PCDHGA9: variants seen among roughly 807,000 people sequenced by gnomAD.
PCDHGA9 encodes protocadherin gamma subfamily A, 9, also known as protocadherin gamma-A9.
Under a neutral mutation model 62.5 loss-of-function variants are expected in PCDHGA9, and 37 were observed. The observed-to-expected ratio is 0.59, with a 90% CI of 0.46 to 0.78. The LOEUF (loss-of-function observed/expected upper bound fraction) is 0.78, where lower values mean the gene tolerates loss of function less well. Ranked by LOEUF, PCDHGA9 falls within the 30% of genes least tolerant of loss-of-function variation. The probability of loss-of-function intolerance (pLI) is 0.00; values close to 1 mark genes in which losing one functional copy is unlikely to be tolerated. For synonymous variants in PCDHGA9, 459 were observed against 484.6 expected (o/e 0.95, Z 0.69); for missense variants, 1,138 against 1,166.2 (o/e 0.98, Z 0.35).
Position 141,487,399 on chromosome 5 carries a change from G to A in PCDHGA9, c.2425-7408G>A. 1.2e-6 allele frequency: 2 copies of A among 1,614,140 alleles called. No homozygotes were observed. Among genetic ancestry groups the A allele is most frequent in the South Asian group, 1.1e-5 (1 of 91,088 alleles). On this transcript the variant is annotated intron_variant, in intron 1 of 3. Coordinates refer to ENST00000573521, the MANE Select transcript of PCDHGA9 (RefSeq NM_018921.3). The surrounding 1 kb of genome is among the most constrained non-coding windows in gnomAD (Gnocchi z 5.0). ...TCACCAGATCTCGAAGGAGGGAGGGGCTTCCCCCTTCCAATGGGATCCTCC... is the reference window on the plus strand; with the variant it reads ...TCACCAGATCTCGAAGGAGGGAGGGACTTCCCCCTTCCAATGGGATCCTCC...
chr5:141,473,219 G>A (rs1198994780), intron 1 of PCDHGA9, among the ~76,000 whole-genome samples: 2 of 151,864 alleles, frequency 1.3e-5, no homozygotes, highest in Non-Finnish European at 2.9e-5. Flanking sequence ...TTACTTCCAG[G>A]GAGATTGGAT....
chr5:141,455,593 C>T (rs957677108), intron 1 of PCDHGA9, among the ~76,000 whole-genome samples: 4 of 152,070 alleles, frequency 2.6e-5, no homozygotes, highest in Non-Finnish European at 5.9e-5. Flanking sequence ...AATATGCAAA[C>T]GTAGGGCGCC....
chr5:141,481,868 C>A (rs983373194), intron 1 of PCDHGA9, among the ~76,000 whole-genome samples: 4 of 147,412 alleles, frequency 2.7e-5, no homozygotes, highest in African/African-American at 1.0e-4. Flanking sequence ...GAGCCGAGAT[C>A]GCGCCACTGC....
In PCDHGA9 at chr5:141,512,088, A is replaced by G. The variant is rs192947391; in HGVS notation, c.*915A>G. 2.6e-5 allele frequency: 4 copies of G among 152,772 alleles called. No individual in the cohort carries two copies. Among genetic ancestry groups the G allele is most frequent in the Admixed American group, 6.5e-5 (1 of 15,306 alleles). 9.5% of individuals were successfully genotyped at this position (152,772 alleles called of 1,614,324 possible). On this transcript the variant is annotated 3_prime_UTR_variant, in exon 4 of 4. Transcript: ENST00000573521. ...TCCTCCAGATTCCAGCCATAAACCAATAACTAGGCTGGACCCTTCCCACTA... is the reference window on the plus strand; with the variant it reads ...TCCTCCAGATTCCAGCCATAAACCAGTAACTAGGCTGGACCCTTCCCACTA...
At chr5:141,410,340 T>C (rs1408707323) in intron 1 of PCDHGA9, 5 of 1,614,068 alleles carry the variant, frequency 3.1e-6, no homozygotes, top group Non-Finnish European at 2.5e-6. Context: ...GCCATTGCCT[T>C]GCGCCTGCGA....
In PCDHGA9 at chr5:141,486,581, C is replaced by T; in HGVS notation, c.2425-8226C>T. 1 of 1,613,764 alleles carries T rather than the reference C, an allele frequency of 6.2e-7. No individual in the cohort carries two copies. The highest frequency in any genetic ancestry group is 1.1e-5 in the South Asian group (1 of 91,082). On this transcript the variant is annotated intron_variant, in intron 1 of 3. Coordinates refer to ENST00000573521, the MANE Select transcript of PCDHGA9 (RefSeq NM_018921.3). This position sits in a 1 kb window ranked among gnomAD's most constrained non-coding sequence, Gnocchi z 5.0. ...GGTGTTTGTTCCTGAGAACAATCGC[C>T]CAGGGGACCTGCTTTGCTCCCTTGC... is the stretch of plus-strand genomic sequence containing the variant.
At chr5:141,509,106 A>T (rs1159119530) in intron 3 of PCDHGA9, among the ~76,000 whole-genome samples, 1 of 152,102 alleles carries the variant, frequency 6.6e-6, no homozygotes, top group Non-Finnish European at 1.5e-5. Flanking sequence ...TAGAAACCTG[A>T]GCGCTGGTGC....
chr5:141,499,689 C>CTTTTT (rs545067566), intron 2 of PCDHGA9, among the ~76,000 whole-genome samples: 5 of 119,848 alleles, frequency 4.2e-5, no homozygotes, highest in Admixed American at 8.7e-5. Context: ...TAACAGATGA[C>CTTTTT]TTTTTTTTTT....
chr5:141,496,234 T>C (rs2154591884), intron 2 of PCDHGA9, among the ~76,000 whole-genome samples: 1 of 152,232 alleles, frequency 6.6e-6, no homozygotes, highest in Middle Eastern at 3.4e-3. Context: ...AGGAACCCCC[T>C]GCGGGCTGAA....
At position 141,487,147 on chromosome 5, in the gene PCDHGA9, T is replaced by C; in HGVS notation, c.2425-7660T>C. 1 of 1,614,122 alleles carries C rather than the reference T, an allele frequency of 6.2e-7. No individual in the cohort carries two copies. Among genetic ancestry groups the C allele is most frequent in the Non-Finnish European group, 8.5e-7 (1 of 1,179,952 alleles). On this transcript the variant is annotated intron_variant, in intron 1 of 3. Transcript: ENST00000573521. This position sits in a 1 kb window ranked among gnomAD's most constrained non-coding sequence, Gnocchi z 5.0. ...GTGGTAGTCCACCACTCTCTACCTC[T>C]GTTACTCTCTTAGTGTCCTTAGAGG...
In PCDHGA9 at chr5:141,415,247, C is replaced by T. The variant is rs181239359; in HGVS notation, c.2424+9871C>T. The stretch of plus-strand genomic sequence containing the variant: ...GAGTCTCCAGCTAACTCTGAAACCT[C>T]AGACCTCACTCTGTACCTGGTGGTA... On this transcript the variant is annotated intron_variant, in intron 1 of 3. Transcript: ENST00000573521. 958 of 1,614,210 alleles carry T rather than the reference C, an allele frequency of 5.9e-4. 13 individuals are homozygous for T. The East Asian group carries it at 0.015, about 25-fold the overall frequency.
At chr5:141,422,279 C>T (rs1344316011) in intron 1 of PCDHGA9, 1 of 1,557,956 alleles carries the variant, frequency 6.4e-7, no homozygotes, top group Non-Finnish European at 8.6e-7. Context: ...ATAACTATCA[C>T]CTCTTCTATT....
intron 2 of PCDHGA9, among the ~76,000 whole-genome samples, chr5:141,498,889 C>T (rs1415870992): frequency 3.4e-5 from 5 of 146,174 alleles, no homozygotes; most frequent in African/African-American, 1.3e-4. Flanking sequence ...GCTGAGATCA[C>T]ACCACTGCAC....
rs1203945578 is a variant in PCDHGA9 at position 141,512,055 on chromosome 5, T to G, written c.*882T>G. 6.5e-6 allele frequency: 1 copy of G among 152,698 alleles called. No homozygotes were observed. The highest frequency in any genetic ancestry group is 1.5e-5 in the Non-Finnish European group (1 of 68,092). 9.5% of individuals were successfully genotyped at this position (152,698 alleles called of 1,614,324 possible). The stretch of plus-strand genomic sequence containing the variant: ...GAGGCTCTGTATGTCCTCAGGGGAC[T>G]GACAACATCCTCCAGATTCCAGCCA... On this transcript the variant is annotated 3_prime_UTR_variant, in exon 4 of 4. Transcript: ENST00000573521.
Position 141,477,657 on chromosome 5 carries a change from G to C in PCDHGA9, c.2425-17150G>C. 4 of 1,614,190 alleles carry C rather than the reference G, an allele frequency of 2.5e-6. No individual in the cohort carries two copies. Among genetic ancestry groups the C allele is most frequent in the Non-Finnish European group, 3.4e-6 (4 of 1,180,038 alleles). The stretch of plus-strand genomic sequence containing the variant: ...GTGGGTCGCTATTTCACAATAAATC[G>C]TGACAATGGCATAGTGTCATCCTTA... On this transcript the variant is annotated intron_variant, in intron 1 of 3. Coordinates refer to ENST00000573521, the MANE Select transcript of PCDHGA9 (RefSeq NM_018921.3). The surrounding 1 kb of genome is among the most constrained non-coding windows in gnomAD (Gnocchi z 4.9).
chr5:141,408,617 C>T (rs2095139011), intron 1 of PCDHGA9: 2 of 1,614,004 alleles, frequency 1.2e-6, no homozygotes, highest in African/African-American at 2.7e-5. Flanking sequence ...AAAGGAAATA[C>T]ATTTAGAAAT....
At chr5:141,429,169 T>TACACACACACACACACACAAAC (rs2097191391) in intron 1 of PCDHGA9, 1 of 145,394 alleles carries the variant, frequency 6.9e-6, no homozygotes, top group East Asian at 2.0e-4. Flanking sequence ...ACATTGTTTA[T>TACACACACACACACACACAAAC]ACACACACAC....
At position 141,476,001 on chromosome 5, in the gene PCDHGA9, C is replaced by G; in HGVS notation, c.2425-18806C>G. The G allele has an allele frequency of 8.1e-7, 1 of 1,235,348 alleles. No homozygotes were observed. Among genetic ancestry groups the G allele is most frequent in the Non-Finnish European group, 1.1e-6 (1 of 894,008 alleles). 76.5% of individuals were successfully genotyped at this position (1,235,348 alleles called of 1,614,324 possible). On this transcript the variant is annotated intron_variant, in intron 1 of 3. Transcript: ENST00000573521. The surrounding 1 kb of genome is among the most constrained non-coding windows in gnomAD (Gnocchi z 7.6). ...CAGCCGGCGAGCAAATCAACGGCATCCAGAAAGCCATGTCGGACTCGGCGC... is the reference window on the plus strand; with the variant it reads ...CAGCCGGCGAGCAAATCAACGGCATGCAGAAAGCCATGTCGGACTCGGCGC...
At chr5:141,484,863 G>T (rs561595169) in intron 1 of PCDHGA9, 136 of 273,782 alleles carry the variant, frequency 5.0e-4, no homozygotes, top group African/African-American at 2.8e-3. Context: ...GGGGGTGGGG[G>T]AGCGTGGAGG....
Sources: allele counts gnomAD v4.1 joint callset (sites outside exome capture counted in the v4.1 genomes callset), GRCh38; gene constraint gnomAD v4.1.1; non-coding constraint Gnocchi (gnomAD v3.1); transcripts MANE v1.5; gene names NCBI Gene and HGNC (gene_info 2026-07-23, HGNC 2026-07-21).